RARS1: variants seen among roughly 807,000 people sequenced by gnomAD.
RARS1 encodes arginyl-tRNA synthetase 1.
A neutral mutation model predicts 78.7 loss-of-function variants in RARS1; 75 were observed. The observed-to-expected ratio is 0.95, with a 90% CI of 0.79 to 1.15. The LOEUF (loss-of-function observed/expected upper bound fraction) is 1.15. RARS1 is among the 50% of genes most tolerant of loss of function. The pLI, the probability that RARS1 is intolerant of heterozygous loss-of-function variation, is 0.00. For synonymous variants in RARS1, 273 were observed against 268.2 expected (o/e 1.02, Z -0.18); for missense variants, 787 against 787.5 (o/e 1.00, Z 0.01).
At chr5:168,496,583 C>T (rs1222985958) in intron 6 of RARS1, among the ~76,000 whole-genome samples, 4 of 151,520 alleles carry the variant, frequency 2.6e-5, no homozygotes, top group African/African-American at 4.8e-5. Flanking sequence ...CCTGGGTTCA[C>T]GCCATTCTCC....
intron 12 of RARS1, among the ~76,000 whole-genome samples, chr5:168,511,989 C>T (rs1006139432): frequency 1.4e-4 from 22 of 152,056 alleles, no homozygotes; most frequent in African/African-American, 5.1e-4. Context: ...CTCAGCCTCC[C>T]GGGTAGCTGG....
intron 2 of RARS1, among the ~76,000 whole-genome samples, 198 bp from the exon 3 acceptor site, chr5:168,492,461 G>T (rs576001606): frequency 1.3e-5 from 2 of 152,148 alleles, no homozygotes; most frequent in African/African-American, 4.8e-5. Flanking sequence ...ATTTCCCATG[G>T]ATGTCTTAGA....
intron 6 of RARS1, among the ~76,000 whole-genome samples, chr5:168,495,772 A>T (rs1257406214): frequency 6.6e-6 from 1 of 152,184 alleles, no homozygotes; most frequent in East Asian, 1.9e-4. Flanking sequence ...TGGGCCTTGT[A>T]AGCTGTGAGA....
At chr5:168,486,669 C>A in intron 1 of RARS1, 126 bp downstream of exon 1, 1 of 987,786 alleles carries the variant, frequency 1.0e-6, no homozygotes, top group Non-Finnish European at 1.5e-6. Context: ...AGTGGAGCGG[C>A]ACGGTCCCTG....
chr5:168,506,261 G>A (rs994321839), intron 10 of RARS1, 62 bp downstream of exon 10: 2 of 1,329,328 alleles, frequency 1.5e-6, no homozygotes, highest in Non-Finnish European at 2.0e-6. Flanking sequence ...AGTATGGTGA[G>A]GTTGGTGACA....
chr5:168,496,575 T>G (rs555203417), intron 6 of RARS1, among the ~76,000 whole-genome samples: 15 of 151,758 alleles, frequency 9.9e-5, no homozygotes, highest in Admixed American at 3.3e-4. Flanking sequence ...CTCTACCTCC[T>G]GGGTTCACGC....
chr5:168,517,019 T>A, intron 13 of RARS1, 69 bp downstream of exon 13: 1 of 1,482,834 alleles, frequency 6.7e-7, no homozygotes, highest in Non-Finnish European at 9.2e-7. Flanking sequence ...AAAAATATTT[T>A]CTTTTTTTTT....
rs61744940 is a variant in RARS1, at chr5:168,506,151, A to G, written c.1188A>G (p.Leu396=). ...ACCTGGCTGCTATTAAACAAAGACTATTTGAGGAAAAAGCAGATATGATTA... is the reference window on the plus strand; with the variant it reads ...ACCTGGCTGCTATTAAACAAAGACTGTTTGAGGAAAAAGCAGATATGATTA... The part of the protein sequence containing the change: ...TSDLAAIKQR[L]FEEKADMIIY... The change falls in exon 10 of 15, where the codon CTA becomes CTG. Residue 396 remains leucine (L), a synonymous_variant. Transcript: ENST00000231572. 0.1 allele frequency: 164,651 copies of G among 1,582,664 alleles called. 9,885 individuals carry two copies. Among genetic ancestry groups the G allele is most frequent in the Non-Finnish European group, 0.12 (141,685 of 1,163,478 alleles).
Position 168,517,827 on chromosome 5 carries a change from T to G in RARS1, c.1638T>G (p.Arg546=), listed in dbSNP as rs1433312331. The G allele has an allele frequency of 6.2e-7, 1 of 1,604,856 alleles. No individual in the cohort carries two copies. The highest frequency in any genetic ancestry group is 8.5e-7 in the Non-Finnish European group (1 of 1,175,578). Residue 546 remains arginine, a synonymous_variant, in exon 14 of 15, where the codon CGT becomes CGG. Transcript: ENST00000231572. ...YAFTRIRSIA[R]LANIDEEMLQ... Reference sequence around the variant, plus strand: ...TGTTTTTTTTAAGGTCTATTGCACGTCTGGCCAATATTGATGAAGAAATGC... The same window carrying G: ...TGTTTTTTTTAAGGTCTATTGCACGGCTGGCCAATATTGATGAAGAAATGC...
In RARS1 at chr5:168,501,580, G is replaced by A. The variant is rs143110858; in HGVS notation, c.953-421G>A. On this transcript the variant is annotated intron_variant, in intron 8 of 14. Coordinates refer to ENST00000231572, the MANE Select transcript of RARS1 (RefSeq NM_002887.4). ...TCTACTAAAAGTGGAAAAATTAGCC[G>A]GGCGTGGTGGCACACGCCTGTAGTC... 9.3e-3 allele frequency among the ~76,000 whole-genome samples: 1,409 copies of A among 152,222 alleles called. 18 individuals are homozygous for A. The highest frequency in any genetic ancestry group is 0.032 in the African/African-American group (1,331 of 41,516).
intron 13 of RARS1, among the ~76,000 whole-genome samples, chr5:168,517,561 A>G (rs1758696441): frequency 6.6e-6 from 1 of 152,038 alleles, no homozygotes; most frequent in Non-Finnish European, 1.5e-5. Context: ...ACTTGCCGAT[A>G]CTCTTCTAGA....
At chr5:168,503,357 G>A (rs1240958745) in intron 9 of RARS1, among the ~76,000 whole-genome samples, 2 of 152,120 alleles carry the variant, frequency 1.3e-5, no homozygotes, top group Non-Finnish European at 2.9e-5. Context: ...AATTATTTTG[G>A]TTATCCTCAG....
At chr5:168,493,843 G>A in intron 3 of RARS1, 51 bp from the exon 4 acceptor site, 1 of 1,458,154 alleles carries the variant, frequency 6.9e-7, no homozygotes, top group East Asian at 2.3e-5. Flanking sequence ...GCATTTGCGA[G>A]TAACTTGCTG....
chr5:168,496,752 G>A (rs1033831966), intron 6 of RARS1, among the ~76,000 whole-genome samples: 1 of 152,198 alleles, frequency 6.6e-6, no homozygotes, highest in East Asian at 1.9e-4. Flanking sequence ...CCATAGTGCT[G>A]GGATTACAGG....
At chr5:168,511,768 T>G (rs887680826) in intron 12 of RARS1, among the ~76,000 whole-genome samples, 29 of 152,360 alleles carry the variant, frequency 1.9e-4, no homozygotes, top group African/African-American at 7.0e-4. Context: ...GAGATTTTCC[T>G]ATCACCATAA....
chr5:168,504,684 G>T (rs529968417), intron 9 of RARS1, among the ~76,000 whole-genome samples: 67 of 151,880 alleles, frequency 4.4e-4, no homozygotes, highest in African/African-American at 1.6e-3. Flanking sequence ...AATTAGCTGG[G>T]CGTGTTGGCA....
At chr5:168,505,895 C>T (rs1472452270) in intron 9 of RARS1, 126 bp from the exon 10 acceptor site, 1 of 846,334 alleles carries the variant, frequency 1.2e-6, no homozygotes, top group African/African-American at 1.8e-5. Context: ...CTTTCTTTAG[C>T]TCTCTAATAA....
chr5:168,518,824 G>A (rs1214318826), intron 14 of RARS1, among the ~76,000 whole-genome samples: 2 of 152,116 alleles, frequency 1.3e-5, no homozygotes, highest in African/African-American at 4.8e-5. Flanking sequence ...TAAAAGAAAG[G>A]TAAAATTTAC....
intron 4 of RARS1, 171 bp downstream of exon 4, chr5:168,494,173 A>G (rs1289002189): frequency 2.2e-6 from 2 of 904,730 alleles, no homozygotes; most frequent in African/African-American, 3.6e-5. Flanking sequence ...AGACTCAGCT[A>G]CCACTTTTAG....
Sources: allele counts gnomAD v4.1 joint callset (sites outside exome capture counted in the v4.1 genomes callset), GRCh38; gene constraint gnomAD v4.1.1; transcripts MANE v1.5; gene names NCBI Gene and HGNC (gene_info 2026-07-23, HGNC 2026-07-21).